COBL: variants seen among roughly 807,000 people sequenced by gnomAD.
COBL encodes cordon-bleu WH2 repeat protein.
COBL carries 51 observed loss-of-function variants against 98.8 expected under a neutral mutation model. That is an observed-to-expected ratio of 0.52 (90% CI 0.41 to 0.65). The LOEUF (loss-of-function observed/expected upper bound fraction) is 0.65. Among genes scored for constraint, COBL ranks in the 30% least tolerant of loss-of-function variants. COBL has a pLI of 0.00. For synonymous variants in COBL, 634 were observed against 651.7 expected (o/e 0.97, Z 0.41); for missense variants, 1,617 against 1,617.5 (o/e 1.00, Z 0.01).
rs555352467 is a variant in COBL, at chr7:51,201,661, T to C, written c.246-8072A>G. On this transcript the variant is annotated intron_variant, in intron 2 of 12. Coordinates refer to ENST00000265136, the MANE Select transcript of COBL (RefSeq NM_015198.5). ...CCATCTAATATCAGAAGAATACAGA[T>C]TCTTCTCAAGAGCATGTGGAACATT... is the stretch of plus-strand genomic sequence containing the variant. 2.0e-5 allele frequency among the ~76,000 whole-genome samples: 3 copies of C among 152,164 alleles called. No individual in the cohort carries two copies. The South Asian group carries it at 6.2e-4, about 31-fold the overall frequency.
At chr7:51,288,880 G>A (rs1487688928) in intron 1 of COBL, among the ~76,000 whole-genome samples, 4 of 117,998 alleles carry the variant, frequency 3.4e-5, no homozygotes, top group Non-Finnish European at 5.1e-5. Context: ...CTAATTGTAT[G>A]CAACTAATTT....
At chr7:51,017,665 A>C (rs1786405583) in intron 12 of COBL, 97 bp from the exon 13 acceptor site, 2 of 1,279,924 alleles carry the variant, frequency 1.6e-6, no homozygotes, top group East Asian at 4.6e-5. Context: ...CCACTCTTGC[A>C]ATAGTACTCC....
intron 1 of COBL, among the ~76,000 whole-genome samples, chr7:51,312,261 G>C (rs1803131993): frequency 6.6e-6 from 1 of 152,156 alleles, no homozygotes; most frequent in Non-Finnish European, 1.5e-5. Flanking sequence ...AACCGAGGAA[G>C]TGGAGGTTGC....
chr7:51,312,383 A>C (rs1214121770), intron 1 of COBL, among the ~76,000 whole-genome samples: 1 of 152,160 alleles, frequency 6.6e-6, no homozygotes, highest in Non-Finnish European at 1.5e-5. Context: ...TACAAAGTTC[A>C]AGTCTAAATC....
intron 5 of COBL, among the ~76,000 whole-genome samples, chr7:51,161,648 G>T (rs1161111794): frequency 6.6e-6 from 1 of 152,200 alleles, no homozygotes; most frequent in Non-Finnish European, 1.5e-5. Flanking sequence ...ATAAGGCAGT[G>T]ATTTTTAACT....
chr7:51,111,639 A>C (rs1017210115), intron 6 of COBL, among the ~76,000 whole-genome samples: 5 of 151,982 alleles, frequency 3.3e-5, no homozygotes, highest in African/African-American at 1.2e-4. Context: ...TCAATACTAC[A>C]TGTCACAGAA....
At chr7:51,134,852 A>T (rs539460243) in intron 6 of COBL, among the ~76,000 whole-genome samples, 10 of 152,374 alleles carry the variant, frequency 6.6e-5, no homozygotes, top group African/African-American at 2.2e-4. Flanking sequence ...TGCATACAAC[A>T]AAAAGGTACC....
chr7:51,056,281 A>G (rs531805640), intron 7 of COBL, among the ~76,000 whole-genome samples: 9 of 152,130 alleles, frequency 5.9e-5, no homozygotes, highest in Admixed American at 5.2e-4. Flanking sequence ...TAGGGGTGGC[A>G]CAGCCTGAGT....
At chr7:51,099,269 A>T (rs1795596569) in intron 6 of COBL, among the ~76,000 whole-genome samples, 1 of 152,212 alleles carries the variant, frequency 6.6e-6, no homozygotes, top group Admixed American at 6.5e-5. Flanking sequence ...CTGGATATAC[A>T]TCCAAAAGAA....
At chr7:51,159,103 C>A (rs930406931) in intron 5 of COBL, among the ~76,000 whole-genome samples, 1 of 152,154 alleles carries the variant, frequency 6.6e-6, no homozygotes, top group African/African-American at 2.4e-5. Context: ...GCAGCGGGGG[C>A]GGCGTTGCAG....
chr7:51,144,484 C>T (rs571739414), intron 5 of COBL, among the ~76,000 whole-genome samples: 4 of 152,296 alleles, frequency 2.6e-5, no homozygotes, highest in South Asian at 2.1e-4. Flanking sequence ...TCCGAAACCC[C>T]GGAGCCAGAT....
chr7:51,071,670 G>A (rs929147928), intron 7 of COBL: 1 of 152,090 alleles, frequency 6.6e-6, no homozygotes, highest in African/African-American at 2.4e-5. Context: ...ACTTTCCCCT[G>A]TTCCAAGGAT....
At chr7:51,143,737 G>A (rs150292453) in intron 5 of COBL, among the ~76,000 whole-genome samples, 1 of 152,328 alleles carries the variant, frequency 6.6e-6, no homozygotes, top group East Asian at 1.9e-4. Context: ...GTAACTCCAG[G>A]TAACTGAGTC....
chr7:51,094,560 T>C (rs1486301015), intron 6 of COBL, among the ~76,000 whole-genome samples: 3 of 152,074 alleles, frequency 2.0e-5, no homozygotes, highest in African/African-American at 4.8e-5. Flanking sequence ...CCTAGCTAGA[T>C]AAATAAAAGC....
intron 5 of COBL, among the ~76,000 whole-genome samples, chr7:51,145,210 T>G (rs1421099014): frequency 6.6e-6 from 1 of 151,932 alleles, no homozygotes; most frequent in Non-Finnish European, 1.5e-5. Context: ...GAGACAGGGT[T>G]TCACCATGTT....
intron 7 of COBL, among the ~76,000 whole-genome samples, chr7:51,080,629 G>T (rs886723784): frequency 3.3e-5 from 5 of 152,192 alleles, no homozygotes; most frequent in African/African-American, 1.2e-4. Flanking sequence ...TGTACTCAGG[G>T]TAAGCTCCCC....
chr7:51,304,224 G>C (rs146250027), intron 1 of COBL, among the ~76,000 whole-genome samples: 4 of 152,284 alleles, frequency 2.6e-5, no homozygotes, highest in Non-Finnish European at 5.9e-5. Context: ...GCAAAACAAA[G>C]GGCAAAACAC....
chr7:51,151,278 T>C (rs999349822), intron 5 of COBL, among the ~76,000 whole-genome samples: 5 of 152,212 alleles, frequency 3.3e-5, no homozygotes, highest in South Asian at 4.1e-4. Context: ...AAACGCTGTA[T>C]GTCAGCTCAG....
intron 1 of COBL, among the ~76,000 whole-genome samples, chr7:51,306,509 G>A (rs552024585): frequency 1.4e-3 from 212 of 152,294 alleles, no homozygotes; most frequent in Middle Eastern, 3.4e-3. Context: ...CCAAGACACT[G>A]AGCTGGGCCA....
Sources: gnomAD v4.1 joint callset for allele counts (sites outside exome capture counted in the v4.1 genomes callset) on GRCh38, gnomAD v4.1.1 for gene constraint, MANE v1.5 for transcripts, NCBI Gene and HGNC (gene_info 2026-07-23, HGNC 2026-07-21) for gene names.